The following FAM13C variants were observed in gnomAD, a reference collection of about 807,000 sequenced individuals.
The protein encoded by FAM13C is family with sequence similarity 13 member C, also known as protein FAM13C.
In FAM13C, 37 loss-of-function variants were observed where a neutral mutation model predicts 73.2. That is an observed-to-expected ratio of 0.51 (90% CI 0.39 to 0.67). The LOEUF (loss-of-function observed/expected upper bound fraction) is 0.67. Among genes scored for constraint, FAM13C ranks in the 30% least tolerant of loss-of-function variants. FAM13C has a pLI of 0.00. For synonymous variants in FAM13C, 246 were observed against 260.9 expected, an observed-to-expected ratio of 0.94 and a Z score of 0.55; for missense variants, 589 against 715.6, an observed-to-expected ratio of 0.82 and a Z score of 2.02.
intron 8 of FAM13C, among the ~76,000 whole-genome samples, chr10:59,267,918 A>G (rs1843243846): frequency 6.6e-6 from 1 of 152,190 alleles, no homozygotes; most frequent in East Asian, 1.9e-4. Flanking sequence ...CTGACCATCA[A>G]GACACTTACC....
At chr10:59,262,795 C>T (rs1252075540) in intron 9 of FAM13C, 150 bp from the exon 10 acceptor site, 1 of 653,804 alleles carries the variant, frequency 1.5e-6, no homozygotes. Flanking sequence ...ACCCTTATAA[C>T]CAGAGCCATT....
upstream of FAM13C, chr10:59,362,614 CA>C: frequency 1.4e-6 from 2 of 1,460,298 alleles, no homozygotes; most frequent in Non-Finnish European, 1.8e-6. Context: ...ACGACACCCC[CA>C]GCAGGGGCCC....
chr10:59,297,625 A>G (rs1332021297), intron 5 of FAM13C, among the ~76,000 whole-genome samples: 1 of 152,018 alleles, frequency 6.6e-6, no homozygotes, highest in Non-Finnish European at 1.5e-5. Flanking sequence ...ATAATTCCTC[A>G]ACCCCCTCAG....
chr10:59,278,524 G>A (rs1309474220), intron 6 of FAM13C, among the ~76,000 whole-genome samples: 2 of 152,068 alleles, frequency 1.3e-5, no homozygotes, highest in African/African-American at 4.8e-5. Flanking sequence ...TCTTTGATGA[G>A]GGAGAAGGGT....
chr10:59,317,941 G>C (rs552465792), intron 4 of FAM13C, among the ~76,000 whole-genome samples: 13 of 145,418 alleles, frequency 8.9e-5, no homozygotes, highest in African/African-American at 3.1e-4. Context: ...TCCCCTTCCT[G>C]TGTCCATGTG....
chr10:59,311,657 G>A (rs1400332427), intron 4 of FAM13C, among the ~76,000 whole-genome samples: 1 of 152,176 alleles, frequency 6.6e-6, no homozygotes, highest in African/African-American at 2.4e-5. Flanking sequence ...TTTTTTGCCA[G>A]ACAGGGCTCA....
In FAM13C at chr10:59,283,433, C is replaced by T. The variant is rs1347909199; in HGVS notation, c.522G>A (p.Gln174=). 6.2e-7 allele frequency: 1 copy of T among 1,614,214 alleles called. No homozygotes were observed. Among genetic ancestry groups the T allele is most frequent in the Admixed American group, 1.7e-5 (1 of 60,024 alleles). ...RQDLNEEEAA[Q]VHGVKDPAPA... is the part of the protein sequence containing the mutation. ...GCGCCGGGTCCTTGACTCCATGCACCTGAGCAGCTTCTTCCTGGTTTGTTA... is the reference window on the plus strand; with the variant it reads ...GCGCCGGGTCCTTGACTCCATGCACTTGAGCAGCTTCTTCCTGGTTTGTTA... Residue 174 remains glutamine (Q), a synonymous_variant, in exon 6 of 14, where the codon CAG becomes CAA. Coordinates refer to ENST00000618804, the MANE Select transcript of FAM13C (RefSeq NM_198215.4).
At chr10:59,345,902 A>T (rs118053419) in intron 3 of FAM13C, among the ~76,000 whole-genome samples, 3 of 152,368 alleles carry the variant, frequency 2.0e-5, no homozygotes, top group Admixed American at 2.0e-4. Context: ...CTAAGGTGTC[A>T]AAACAATTGT....
intron 6 of FAM13C, among the ~76,000 whole-genome samples, chr10:59,273,502 T>C (rs1219633695): frequency 6.6e-6 from 1 of 152,124 alleles, no homozygotes; most frequent in African/African-American, 2.4e-5. Flanking sequence ...AATCATCATA[T>C]CTAATATTTA....
intron 6 of FAM13C, among the ~76,000 whole-genome samples, chr10:59,273,580 C>A (rs188951679): frequency 3.9e-4 from 59 of 152,230 alleles, no homozygotes; most frequent in African/African-American, 1.2e-3. Flanking sequence ...TTCATAACAA[C>A]TACATGAGGC....
rs1431310130 is a variant in FAM13C at position 59,249,398 on chromosome 10, C to T, written c.1635-1661G>A. On this transcript the variant is annotated intron_variant, in intron 13 of 13. Transcript: ENST00000618804. The stretch of plus-strand genomic sequence containing the variant: ...CAGCCCAGGTGACAGAGTGAGACTC[C>T]GTCTCAAAAGAAAAAAAAAAAAAAA... Among the ~76,000 whole-genome samples, 39 of 104,050 alleles carry T rather than the reference C, an allele frequency of 3.7e-4. 1 individual carries two copies. The Admixed American group carries it at 5.5e-3, about 15-fold the overall frequency. 68.3% of individuals were successfully genotyped at this position (104,050 alleles called of 152,430 possible). A position where few individuals can be genotyped will look rare whatever the true frequency, so the allele number is the denominator to read the frequency against.
At chr10:59,252,521 T>A (rs1043922281) in intron 12 of FAM13C, among the ~76,000 whole-genome samples, 2 of 151,946 alleles carry the variant, frequency 1.3e-5, no homozygotes, top group African/African-American at 4.8e-5. Context: ...TACTGAATAA[T>A]GATAATAATA....
At chr10:59,248,492 T>C (rs1271251244) in intron 13 of FAM13C, among the ~76,000 whole-genome samples, 1 of 152,172 alleles carries the variant, frequency 6.6e-6, no homozygotes, top group East Asian at 1.9e-4. Context: ...AAATATGTTG[T>C]CAGGAAACGT....
chr10:59,293,346 G>T (rs1846513100), intron 5 of FAM13C, among the ~76,000 whole-genome samples: 2 of 152,086 alleles, frequency 1.3e-5, no homozygotes, highest in African/African-American at 4.8e-5. Context: ...AAAGTGCTGG[G>T]ATTACAGGCG....
intron 3 of FAM13C, among the ~76,000 whole-genome samples, chr10:59,344,636 T>A (rs568027492): frequency 6.6e-6 from 1 of 152,278 alleles, no homozygotes; most frequent in African/African-American, 2.4e-5. Context: ...TATCATTAAC[T>A]TTAATCCTCA....
intron 1 of FAM13C, among the ~76,000 whole-genome samples, chr10:59,360,467 C>T (rs1856256051): frequency 6.6e-6 from 1 of 152,060 alleles, no homozygotes; most frequent in African/African-American, 2.4e-5. Flanking sequence ...AGACCACACC[C>T]AAACATTTCC....
intron 4 of FAM13C, among the ~76,000 whole-genome samples, chr10:59,320,945 G>A (rs1326895313): frequency 1.3e-5 from 2 of 152,134 alleles, no homozygotes; most frequent in East Asian, 1.9e-4. Context: ...ATGTGTTTTC[G>A]AACTTGGAGG....
intron 4 of FAM13C, among the ~76,000 whole-genome samples, chr10:59,305,233 A>G (rs1253467628): frequency 2.0e-5 from 3 of 152,244 alleles, no homozygotes; most frequent in African/African-American, 4.8e-5. Flanking sequence ...GTAGCTTACA[A>G]ACAAAAACAA....
intron 3 of FAM13C, among the ~76,000 whole-genome samples, chr10:59,341,463 G>A (rs1466019678): frequency 5.9e-5 from 9 of 152,220 alleles, no homozygotes; most frequent in Admixed American, 2.0e-4. Context: ...CGAGGCGGGC[G>A]GGTCACCTGA....
Sources: allele counts gnomAD v4.1 joint callset (sites outside exome capture counted in the v4.1 genomes callset), GRCh38; gene constraint gnomAD v4.1.1; transcripts MANE v1.5; gene names NCBI Gene and HGNC (gene_info 2026-07-23, HGNC 2026-07-21).